ZNF578: variants seen among roughly 807,000 people sequenced by gnomAD.
ZNF578 encodes Putative chemokine-related protein B42.
Under a neutral mutation model 8.3 loss-of-function variants are expected in ZNF578, and 8 were observed. The ratio of observed to expected loss-of-function variants is 0.96; its 90% CI spans 0.56 to 1.74. ZNF578 has a LOEUF of 1.74. Among genes scored for constraint, ZNF578 ranks in the 40% most tolerant of loss-of-function variants. ZNF578 has a pLI of 0.00. For synonymous variants in ZNF578, 206 were observed against 232.2 expected (o/e 0.89, Z 1.03); for missense variants, 726 against 707.5 (o/e 1.03, Z -0.30).
chr19:52,471,533 C>T (rs957336299), intron 2 of ZNF578, among the ~76,000 whole-genome samples: 1 of 152,004 alleles, frequency 6.6e-6, no homozygotes, highest in Non-Finnish European at 1.5e-5. Flanking sequence ...CTGAGTGCCC[C>T]CTCCTTTTGC....
At chr19:52,464,894 CT>C (rs1460795913) in intron 2 of ZNF578, among the ~76,000 whole-genome samples, 1 of 152,068 alleles carries the variant, frequency 6.6e-6, no homozygotes, top group Non-Finnish European at 1.5e-5. Flanking sequence ...AAAAAGCAGT[CT>C]TTTTAAATCT....
At chr19:52,468,019 A>G (rs1008649921) in intron 2 of ZNF578, among the ~76,000 whole-genome samples, 3 of 152,194 alleles carry the variant, frequency 2.0e-5, no homozygotes, top group African/African-American at 7.2e-5. Flanking sequence ...TTTTCTCCAA[A>G]TAACAGCTTC....
intron 5 of ZNF578, among the ~76,000 whole-genome samples, chr19:52,506,017 C>T (rs2059424457): frequency 2.0e-5 from 3 of 152,034 alleles, no homozygotes; most frequent in Admixed American, 2.0e-4. Context: ...CCTGCCTCAG[C>T]CTCTTGAGTG....
rs571230103 is a variant in ZNF578, at chr19:52,513,979, C to T, written c.*1825C>T. Among the ~76,000 whole-genome samples, 51 of 152,092 alleles carry T rather than the reference C, an allele frequency of 3.4e-4. No individual in the cohort carries two copies. The highest frequency in any genetic ancestry group is 1.0e-3 in the African/African-American group (43 of 41,492). On this transcript the variant is annotated 3_prime_UTR_variant, in exon 6 of 6. Transcript: ENST00000421239. ...GGTAGAGGTTACAGCGAATCAAAAC[C>T]GTGCCACTGTACTGCAGCGAGGTTG... is the stretch of plus-strand genomic sequence containing the variant.
rs2059244403 is a variant in ZNF578, at chr19:52,457,900, A to G, written c.-122+942A>G. 3 of 153,664 alleles carry G rather than the reference A, an allele frequency of 2.0e-5. No individual in the cohort carries two copies. The Admixed American group carries it at 2.0e-4, about 10-fold the overall frequency. 9.5% of individuals were successfully genotyped at this position (153,664 alleles called of 1,614,324 possible). A position where few individuals can be genotyped will look rare whatever the true frequency, so the allele number is the denominator to read the frequency against. On this transcript the variant is annotated intron_variant, in intron 2 of 5. Coordinates refer to ENST00000421239, the MANE Select transcript of ZNF578 (RefSeq NM_001099694.2). Reference sequence around the variant, plus strand: ...GTCTTCCCTCAGGCCCTCTGATGTCACTTAAATTCCATCTCACAGTGACTG... The same window carrying G: ...GTCTTCCCTCAGGCCCTCTGATGTCGCTTAAATTCCATCTCACAGTGACTG...
rs917850763 is a variant in ZNF578, at chr19:52,516,653, G to A, written c.*4499G>A. On this transcript the variant is annotated 3_prime_UTR_variant, in exon 6 of 6. Coordinates refer to ENST00000421239, the MANE Select transcript of ZNF578 (RefSeq NM_001099694.2). ...TTCTGCACCATCTTGACTGATCAAT[G>A]TGCTTTGTAATCTCCCCCACCCTTC... is the stretch of plus-strand genomic sequence containing the variant. Among the ~76,000 whole-genome samples, 6 of 152,154 alleles carry A rather than the reference G, an allele frequency of 3.9e-5. No individual in the cohort carries two copies. Among genetic ancestry groups the A allele is most frequent in the African/African-American group, 1.2e-4 (5 of 41,414 alleles).
In ZNF578 at chr19:52,511,194, G is replaced by A. The variant is rs2059444290; in HGVS notation, c.813G>A (p.Lys271=). The change falls in exon 6 of 6, where the codon AAG becomes AAA. Residue 271 remains lysine, a synonymous_variant. Transcript: ENST00000421239. ...TATGTGGCAAAGTCTTTAATGAGAA[G>A]CGATACCTTGCACGCCATCGTAGAT... ...FDICGKVFNE[K]RYLARHRRCH... 3 of 1,614,094 alleles carry A rather than the reference G, an allele frequency of 1.9e-6. No individual in the cohort carries two copies. Among genetic ancestry groups the A allele is most frequent in the African/African-American group, 2.7e-5 (2 of 74,944 alleles).
At chr19:52,489,270 A>G (rs1429364920) in intron 2 of ZNF578, among the ~76,000 whole-genome samples, 1 of 152,064 alleles carries the variant, frequency 6.6e-6, no homozygotes, top group Non-Finnish European at 1.5e-5. Context: ...AGAAATAGCA[A>G]TCAACTCTTT....
rs1365013901 is a variant in ZNF578, at chr19:52,513,164, G to T, written c.*1010G>T. Among the ~76,000 whole-genome samples the T allele has an allele frequency of 6.6e-6, 1 of 151,982 alleles. No individual in the cohort carries two copies. The highest frequency in any genetic ancestry group is 1.5e-5 in the Non-Finnish European group (1 of 68,004). On this transcript the variant is annotated 3_prime_UTR_variant, in exon 6 of 6. Transcript: ENST00000421239. The stretch of plus-strand genomic sequence containing the variant: ...GCCTCCCTAGTTGCTGGGATTACAG[G>T]TATATGCCACGACGCCTGGCTAATT...
chr19:52,512,432 G>A lies in ZNF578; in HGVS notation c.*278G>A, dbSNP rs770601678. The A allele has an allele frequency of 7.0e-7, 1 of 1,434,558 alleles. No homozygotes were observed. Among genetic ancestry groups the A allele is most frequent in the South Asian group, 1.1e-5 (1 of 86,998 alleles). The allele number at this position is 1,434,558 out of a possible 1,614,324, so 88.9% of individuals were successfully genotyped here. A position where few individuals can be genotyped will look rare whatever the true frequency, so the allele number is the denominator to read the frequency against. ...CATAATGAAGAGAGATCTTCCGAGT[G>A]TAATAAATGTGGCAAATTTTTCAGA... On this transcript the variant is annotated 3_prime_UTR_variant, in exon 6 of 6. Transcript: ENST00000421239.
At chr19:52,470,931 G>C (rs2122796772) in intron 2 of ZNF578, among the ~76,000 whole-genome samples, 1 of 152,228 alleles carries the variant, frequency 6.6e-6, no homozygotes, top group South Asian at 2.1e-4. Context: ...ATCATGGAGG[G>C]CATTTCATGT....
intron 2 of ZNF578, among the ~76,000 whole-genome samples, chr19:52,460,244 A>G (rs1290615232): frequency 6.6e-6 from 1 of 152,002 alleles, no homozygotes; most frequent in African/African-American, 2.4e-5. Flanking sequence ...GACCTCAGTA[A>G]TGGGTATACC....
intron 2 of ZNF578, among the ~76,000 whole-genome samples, chr19:52,485,581 T>C (rs528229956): frequency 5.3e-5 from 8 of 152,176 alleles, no homozygotes; most frequent in Admixed American, 3.3e-4. Context: ...TGTGTCTACG[T>C]AGAAAGAAGT....
intron 2 of ZNF578, among the ~76,000 whole-genome samples, chr19:52,486,668 A>C (rs1215867245): frequency 1.3e-5 from 2 of 151,926 alleles, no homozygotes; most frequent in Non-Finnish European, 2.9e-5. Context: ...AGAGGGAGAA[A>C]CACAGCAGGG....
intron 5 of ZNF578, 30 bp downstream of exon 5, chr19:52,504,811 A>T (rs773769360): frequency 1.2e-6 from 2 of 1,613,160 alleles, no homozygotes; most frequent in East Asian, 4.5e-5. Flanking sequence ...AGACATGAGG[A>T]GTCTGCTCTT....
chr19:52,502,686 G>A (rs188657699), intron 4 of ZNF578, among the ~76,000 whole-genome samples: 251 of 152,236 alleles, frequency 1.6e-3, no homozygotes, highest in Non-Finnish European at 3.1e-3. Context: ...ACCATACACT[G>A]AAATTTTGCC....
intron 3 of ZNF578, among the ~76,000 whole-genome samples, chr19:52,495,961 C>T (rs2059384501): frequency 6.6e-6 from 1 of 152,068 alleles, no homozygotes; most frequent in African/African-American, 2.4e-5. Context: ...TGCTTTTTTT[C>T]TCTTTTTGTA....
At chr19:52,459,769 A>ATATATATATATTT (rs1555751349) in intron 2 of ZNF578, among the ~76,000 whole-genome samples, 5 of 17,620 alleles carry the variant, frequency 2.8e-4, no homozygotes, top group Non-Finnish European at 4.0e-4. Flanking sequence ...ATATATATAT[A>ATATATATATATTT]TTTTTTTTTT....
intron 2 of ZNF578, among the ~76,000 whole-genome samples, chr19:52,464,611 G>C (rs1416759918): frequency 6.6e-6 from 1 of 152,080 alleles, no homozygotes. Flanking sequence ...GTTTGTAATT[G>C]CCTTTTGTAA....
Sources: allele counts gnomAD v4.1 joint callset (sites outside exome capture counted in the v4.1 genomes callset), GRCh38; gene constraint gnomAD v4.1.1; transcripts MANE v1.5; gene names NCBI Gene and HGNC (gene_info 2026-07-23, HGNC 2026-07-21).